Variants in ARMH4 observed in about 807,000 individuals in gnomAD.
ARMH4 encodes the protein armadillo like helical domain containing 4.
Under a neutral mutation model 61.9 loss-of-function variants are expected in ARMH4, and 49 were observed. That is an observed-to-expected ratio of 0.79 (90% CI 0.63 to 1.00). The LOEUF is 1.00. Ranked by LOEUF, ARMH4 falls within the 50% of genes least tolerant of loss-of-function variation. ARMH4 has a pLI of 0.00. For synonymous variants in ARMH4, 368 were observed against 341.5 expected (o/e 1.08, Z -0.85); for missense variants, 934 against 930.0 (o/e 1.00, Z -0.06).
rs920273903 is a variant in ARMH4 at position 58,003,750 on chromosome 14, A to G, written c.*986T>C. On this transcript the variant is annotated 3_prime_UTR_variant, in exon 8 of 8. Coordinates refer to ENST00000267485, the MANE Select transcript of ARMH4 (RefSeq NM_001001872.4). The stretch of plus-strand genomic sequence containing the variant: ...TGGGCAGACAAACGATAGAATGTCT[A>G]TTTTTCTAATAAAGCCATATAAGGA... 1 of 152,120 alleles carries G rather than the reference A, an allele frequency of 6.6e-6. No individual in the cohort carries two copies. Among genetic ancestry groups the G allele is most frequent in the African/African-American group, 2.4e-5 (1 of 41,412 alleles). 9.4% of individuals were successfully genotyped at this position (152,120 alleles called of 1,614,324 possible). A position where few individuals can be genotyped will look rare whatever the true frequency, so the allele number is the denominator to read the frequency against.
intron 5 of ARMH4, among the ~76,000 whole-genome samples, chr14:58,066,317 CT>C (rs1884698519): frequency 6.6e-6 from 1 of 152,200 alleles, no homozygotes; most frequent in Non-Finnish European, 1.5e-5. Context: ...CAGTCCTGTT[CT>C]TCATAGTTAC....
At chr14:58,084,922 T>G (rs1425557981) in intron 5 of ARMH4, among the ~76,000 whole-genome samples, 1 of 152,254 alleles carries the variant, frequency 6.6e-6, no homozygotes, top group African/African-American at 2.4e-5. Context: ...AATGCTGAAA[T>G]GAAATAAACA....
At chr14:58,085,304 T>G (rs948028061) in intron 5 of ARMH4, among the ~76,000 whole-genome samples, 2 of 151,990 alleles carry the variant, frequency 1.3e-5, no homozygotes, top group Non-Finnish European at 2.9e-5. Context: ...AGAGGACAAT[T>G]TATACTTAAT....
intron 5 of ARMH4, among the ~76,000 whole-genome samples, chr14:58,032,915 T>G (rs1883309959): frequency 2.0e-5 from 3 of 150,854 alleles, no homozygotes; most frequent in Non-Finnish European, 4.4e-5. Flanking sequence ...CCACGGAATC[T>G]CGCTGATTGC....
At chr14:58,011,028 C>G (rs911868398) in intron 6 of ARMH4, among the ~76,000 whole-genome samples, 3 of 152,030 alleles carry the variant, frequency 2.0e-5, no homozygotes, top group Non-Finnish European at 4.4e-5. Context: ...TTCTTCCCCC[C>G]AAGTTTTTCT....
chr14:58,039,384 G>A lies in ARMH4; in HGVS notation c.2090-27234C>T, dbSNP rs548051477. Among the ~76,000 whole-genome samples the A allele has an allele frequency of 8.5e-5, 13 of 152,190 alleles. No individual in the cohort carries two copies. In the East Asian group the frequency reaches 2.5e-3, roughly 29 times the overall value. The stretch of plus-strand genomic sequence containing the variant: ...ACTAACACAATCCCTTTGAATTAAG[G>A]AAAAGAGAAACGCCTATTTACCCAT... On this transcript the variant is annotated intron_variant, in intron 5 of 7. Transcript: ENST00000267485.
intron 5 of ARMH4, among the ~76,000 whole-genome samples, chr14:58,086,220 G>A (rs766851003): frequency 2.7e-4 from 41 of 152,228 alleles, no homozygotes; most frequent in South Asian, 8.3e-4. Flanking sequence ...TTGACTCAAC[G>A]CTTCTAAGGT....
At chr14:58,051,644 T>G (rs1038905963) in intron 5 of ARMH4, among the ~76,000 whole-genome samples, 2 of 152,232 alleles carry the variant, frequency 1.3e-5, no homozygotes, top group East Asian at 3.8e-4. Context: ...TCATTATCTG[T>G]TACACCAAAC....
In ARMH4 at chr14:58,131,567, A is replaced by G; in HGVS notation, c.1776T>C (p.Ser592=). Residue 592 remains serine (S), a synonymous_variant, in exon 4 of 8, where the codon TCT becomes TCC. Coordinates refer to ENST00000267485, the MANE Select transcript of ARMH4 (RefSeq NM_001001872.4). ...AGGCAGCTGTATTAACACGAGTAATAGATGGAACAACAGTTCTTCTCTCAG... is the reference window on the plus strand; with the variant it reads ...AGGCAGCTGTATTAACACGAGTAATGGATGGAACAACAGTTCTTCTCTCAG... ...ASSERRTVVP[S]ITRVNTAASY... is the part of the protein sequence containing the mutation. 4 of 1,614,260 alleles carry G rather than the reference A, an allele frequency of 2.5e-6. No homozygotes were observed. The highest frequency in any genetic ancestry group is 3.4e-6 in the Non-Finnish European group (4 of 1,180,046).
chr14:58,137,959 C>G (rs1210101749), intron 2 of ARMH4, 31 bp downstream of exon 2: 1 of 1,562,570 alleles, frequency 6.4e-7, no homozygotes, highest in South Asian at 1.2e-5. Context: ...CAAATTAAAC[C>G]AAAGTTTGTT....
At position 58,025,671 on chromosome 14, in the gene ARMH4, C is replaced by T. The variant is rs564635757; in HGVS notation, c.2090-13521G>A. Among the ~76,000 whole-genome samples, 28 of 152,140 alleles carry T rather than the reference C, an allele frequency of 1.8e-4. No homozygotes were observed. The South Asian group carries it at 4.6e-3, about 25-fold the overall frequency. ...ACTTATATAACACATTTAAGAATAA[C>T]AAAACTTACTAAGTTTTAAGTATTA... On this transcript the variant is annotated intron_variant, in intron 5 of 7. Transcript: ENST00000267485.
At chr14:58,103,129 A>C (rs1330315728) in intron 4 of ARMH4, among the ~76,000 whole-genome samples, 1 of 116,500 alleles carries the variant, frequency 8.6e-6, no homozygotes, top group Non-Finnish European at 2.1e-5. Flanking sequence ...CCAAAACTCC[A>C]TCTCGAAAAA....
chr14:58,146,412 T>C (rs1400344484), intron 1 of ARMH4, among the ~76,000 whole-genome samples: 2 of 152,216 alleles, frequency 1.3e-5, no homozygotes, highest in Non-Finnish European at 2.9e-5. Context: ...ATAAATAAGC[T>C]CTAACCAAAT....
intron 5 of ARMH4, among the ~76,000 whole-genome samples, chr14:58,059,090 C>T (rs893525847): frequency 4.6e-5 from 7 of 152,118 alleles, no homozygotes; most frequent in Non-Finnish European, 8.8e-5. Flanking sequence ...CTGAACCATG[C>T]GGTAGACAGA....
chr14:58,082,870 C>T (rs1390239589), intron 5 of ARMH4, among the ~76,000 whole-genome samples: 1 of 152,184 alleles, frequency 6.6e-6, no homozygotes, highest in Non-Finnish European at 1.5e-5. Flanking sequence ...GTACTGCCAT[C>T]ACCCCCTGCC....
chr14:58,032,419 C>T (rs1409654255), intron 5 of ARMH4, among the ~76,000 whole-genome samples: 1 of 152,172 alleles, frequency 6.6e-6, no homozygotes, highest in East Asian at 1.9e-4. Context: ...CATTTTTGTG[C>T]TATGGACCCA....
chr14:58,122,364 G>T (rs1159735263), intron 4 of ARMH4, among the ~76,000 whole-genome samples: 2 of 152,100 alleles, frequency 1.3e-5, no homozygotes, highest in Non-Finnish European at 2.9e-5. Context: ...ATAACACAGG[G>T]AAAGGAAGAA....
chr14:58,043,355 A>G (rs1048482866), intron 5 of ARMH4, among the ~76,000 whole-genome samples: 10 of 152,120 alleles, frequency 6.6e-5, no homozygotes, highest in African/African-American at 2.4e-4. Context: ...GACAAAAACC[A>G]CATGATTATC....
intron 1 of ARMH4, among the ~76,000 whole-genome samples, chr14:58,141,887 G>T (rs1260646110): frequency 1.3e-5 from 2 of 152,106 alleles, no homozygotes; most frequent in Non-Finnish European, 2.9e-5. Context: ...GTTAAGCAAG[G>T]TTAATAGTTT....
Sources: allele counts gnomAD v4.1 joint callset (sites outside exome capture counted in the v4.1 genomes callset), GRCh38; gene constraint gnomAD v4.1.1; transcripts MANE v1.5; gene names NCBI Gene and HGNC (gene_info 2026-07-23, HGNC 2026-07-21).